Variants in CNTNAP2 observed in about 807,000 individuals in gnomAD.
CNTNAP2 encodes contactin associated protein 2, also known as contactin-associated protein-like 2.
CNTNAP2 carries 98 observed loss-of-function variants against 155.2 expected under a neutral mutation model. The ratio of observed to expected loss-of-function variants is 0.63; its 90% CI spans 0.54 to 0.75. CNTNAP2 has a LOEUF of 0.75. Among genes scored for constraint, CNTNAP2 ranks in the 30% least tolerant of loss-of-function variants. CNTNAP2 has a pLI of 0.00. For synonymous variants in CNTNAP2, 651 were observed against 631.2 expected (o/e 1.03, Z -0.47); for missense variants, 1,727 against 1,688.1 (o/e 1.02, Z -0.40).
At chr7:146,149,494 C>A (rs1196854957) in intron 1 of CNTNAP2, among the ~76,000 whole-genome samples, 1 of 152,048 alleles carries the variant, frequency 6.6e-6, no homozygotes, top group Non-Finnish European at 1.5e-5. Flanking sequence ...TGGACAGTGA[C>A]AGCAGCACAG....
intron 3 of CNTNAP2, among the ~76,000 whole-genome samples, chr7:146,934,243 A>G (rs1796856962): frequency 6.6e-6 from 1 of 152,084 alleles, no homozygotes; most frequent in Non-Finnish European, 1.5e-5. Context: ...CATATACACC[A>G]TGGAATACTA....
At chr7:147,062,068 C>A (rs1164157068) in intron 4 of CNTNAP2, among the ~76,000 whole-genome samples, 1 of 129,576 alleles carries the variant, frequency 7.7e-6, no homozygotes, top group Non-Finnish European at 1.6e-5. Context: ...GCAGAGCTTG[C>A]AGTGAGCCGA....
intron 15 of CNTNAP2, among the ~76,000 whole-genome samples, chr7:148,094,078 A>G (rs149483855): frequency 1.1e-3 from 163 of 152,266 alleles, no homozygotes; most frequent in Middle Eastern, 6.8e-3. Flanking sequence ...CTTAAACCAT[A>G]TAAAACTAGG....
intron 1 of CNTNAP2, among the ~76,000 whole-genome samples, chr7:146,378,203 G>A (rs1795331242): frequency 6.6e-6 from 1 of 151,328 alleles, no homozygotes; most frequent in African/African-American, 2.4e-5. Context: ...AGGTGTAGAT[G>A]TTAGTGCAGT....
At chr7:147,324,585 C>A (rs549704861) in intron 9 of CNTNAP2, among the ~76,000 whole-genome samples, 36 of 152,140 alleles carry the variant, frequency 2.4e-4, no homozygotes, top group Admixed American at 5.9e-4. Flanking sequence ...CCTCAATAAA[C>A]ATCTCCAGTT....
intron 1 of CNTNAP2, among the ~76,000 whole-genome samples, chr7:146,568,962 T>C (rs1182989521): frequency 6.6e-6 from 1 of 151,980 alleles, no homozygotes; most frequent in African/African-American, 2.4e-5. Context: ...CAAGTTCCCA[T>C]CTTGTTTTTT....
chr7:146,143,963 T>C (rs970676198), intron 1 of CNTNAP2, among the ~76,000 whole-genome samples: 2 of 152,088 alleles, frequency 1.3e-5, no homozygotes, highest in African/African-American at 4.8e-5. Flanking sequence ...GGTTTCACCA[T>C]GTTGGCCAGG....
rs979094914 is a variant in CNTNAP2, at chr7:146,335,189, T to C, written c.97+218216T>C. 5.9e-5 allele frequency among the ~76,000 whole-genome samples: 9 copies of C among 152,236 alleles called. No homozygotes were observed. In the East Asian group the frequency reaches 1.7e-3, roughly 29 times the overall value. ...CTGTTCTGAACTTCACATCAAAACCTATATGTTGAGAGTTTTCATTATGAC... is the reference window on the plus strand; with the variant it reads ...CTGTTCTGAACTTCACATCAAAACCCATATGTTGAGAGTTTTCATTATGAC... On this transcript the variant is annotated intron_variant, in intron 1 of 23. Transcript: ENST00000361727.
intron 3 of CNTNAP2, among the ~76,000 whole-genome samples, chr7:147,003,315 A>G (rs1244991269): frequency 6.6e-6 from 1 of 151,798 alleles, no homozygotes; most frequent in African/African-American, 2.4e-5. Flanking sequence ...GACTACTAAA[A>G]CATAAGAATA....
chr7:147,990,519 C>G (rs544073890), intron 15 of CNTNAP2, among the ~76,000 whole-genome samples: 1 of 151,366 alleles, frequency 6.6e-6, no homozygotes, highest in African/African-American at 2.4e-5. Flanking sequence ...GACATCTCTC[C>G]GGCCTCTCTG....
At chr7:146,862,784 G>C (rs1273524501) in intron 3 of CNTNAP2, among the ~76,000 whole-genome samples, 2 of 152,184 alleles carry the variant, frequency 1.3e-5, no homozygotes, top group Non-Finnish European at 2.9e-5. Flanking sequence ...CTTGTGTGCA[G>C]CCAGACACAT....
chr7:147,154,875 T>A (rs1179627389), intron 8 of CNTNAP2, among the ~76,000 whole-genome samples: 1 of 152,116 alleles, frequency 6.6e-6, no homozygotes, highest in Non-Finnish European at 1.5e-5. Context: ...TATAGTTAGA[T>A]TATGTCTTCG....
chr7:147,155,634 A>G, intron 8 of CNTNAP2, among the ~76,000 whole-genome samples: 1 of 152,190 alleles, frequency 6.6e-6, no homozygotes, highest in South Asian at 2.1e-4. Context: ...TAGAGACAAT[A>G]TTGTACACAA....
chr7:147,004,774 A>G (rs1377062920), intron 3 of CNTNAP2, among the ~76,000 whole-genome samples: 1 of 152,054 alleles, frequency 6.6e-6, no homozygotes, highest in African/African-American at 2.4e-5. Flanking sequence ...TATTTTGTAG[A>G]TGAGAAATTG....
intron 21 of CNTNAP2, among the ~76,000 whole-genome samples, chr7:148,318,842 T>C (rs767327792): frequency 6.6e-6 from 1 of 152,174 alleles, no homozygotes; most frequent in Non-Finnish European, 1.5e-5. Flanking sequence ...GGAACACCGC[T>C]CTCTTTCTCT....
chr7:146,946,558 AATT>A (rs145800799), intron 3 of CNTNAP2, among the ~76,000 whole-genome samples: 2,779 of 152,252 alleles, frequency 0.018, 82 homozygotes, highest in East Asian at 0.14. Flanking sequence ...ATTAGAAAAA[AATT>A]ATTTGAAATT....
At chr7:147,300,025 T>C (rs1442038576) in intron 8 of CNTNAP2, 116 bp from the exon 9 acceptor site, 3 of 1,114,758 alleles carry the variant, frequency 2.7e-6, no homozygotes, top group Non-Finnish European at 4.0e-6. Flanking sequence ...TAAGCAGCAC[T>C]GTATTTTCCA....
Position 147,069,627 on chromosome 7 carries a change from G to A in CNTNAP2, c.550+25573G>A, listed in dbSNP as rs558221108. 4.5e-4 allele frequency among the ~76,000 whole-genome samples: 69 copies of A among 152,294 alleles called. 1 individual carries two copies. The South Asian group carries it at 8.7e-3, about 19-fold the overall frequency. On this transcript the variant is annotated intron_variant, in intron 4 of 23. Coordinates refer to ENST00000361727, the MANE Select transcript of CNTNAP2 (RefSeq NM_014141.6). ...ATAAATAATGGAATTAAAGCTTTACGTAACATAGAGATTGAGTAAAGATAT... is the reference window on the plus strand; with the variant it reads ...ATAAATAATGGAATTAAAGCTTTACATAACATAGAGATTGAGTAAAGATAT...
At chr7:148,414,097 A>G in intron 23 of CNTNAP2, among the ~76,000 whole-genome samples, 1 of 50,332 alleles carries the variant, frequency 2.0e-5, no homozygotes, top group Non-Finnish European at 3.1e-5. Flanking sequence ...TTTTAGACAG[A>G]GTCCCCCCCC....
Sources: allele counts gnomAD v4.1 joint callset (sites outside exome capture counted in the v4.1 genomes callset), GRCh38; gene constraint gnomAD v4.1.1; transcripts MANE v1.5; gene names NCBI Gene and HGNC (gene_info 2026-07-23, HGNC 2026-07-21).